Variants in CR1 observed in about 807,000 individuals in gnomAD.
CR1 encodes the protein complement receptor type 1.
CR1 carries 116 observed loss-of-function variants against 187.3 expected under a neutral mutation model. The ratio of observed to expected loss-of-function variants is 0.62; its 90% confidence interval spans 0.53 to 0.72. CR1 has a LOEUF of 0.72. CR1 is among the 30% of genes least tolerant of loss of function. The pLI is 0.00. For missense variants in CR1, 1,731 were observed against 2,110.7 expected (o/e 0.82, Z 3.52); for synonymous variants, 576 against 747.1 (o/e 0.77, Z 3.73).
At chr1:207,525,080 G>A (rs1016768585) in intron 5 of CR1, among the ~76,000 whole-genome samples, 4 of 152,004 alleles carry the variant, frequency 2.6e-5, no homozygotes, top group Admixed American at 6.5e-5. Context: ...GAGCAAGGCA[G>A]AGGTGCTACA....
In CR1 at chr1:207,617,507, A is replaced by ATATATATATATATGTGTG. The variant is rs1332301171; in HGVS notation, c.6890-563_6890-562insATATATATATATGTGTGT. ...AGTATATATATATATATATATATAT[A>ATATATATATATATGTGTG]TGTGTGTGTGTGTGTGTGTGTGTGT... On this transcript the variant is annotated intron_variant, in intron 41 of 46. Transcript: ENST00000367049. 1.6e-3 allele frequency among the ~76,000 whole-genome samples: 77 copies of ATATATATATATATGTGTG among 47,030 alleles called. 6 individuals carry two copies. Among genetic ancestry groups the ATATATATATATATGTGTG allele is most frequent in the Non-Finnish European group, 2.8e-3 (57 of 20,670 alleles). The allele number at this position is 47,030 out of a possible 152,430, so 30.9% of individuals were successfully genotyped here.
chr1:207,601,871 T>A (rs1408390039), intron 35 of CR1, among the ~76,000 whole-genome samples: 1 of 152,140 alleles, frequency 6.6e-6, no homozygotes, highest in Non-Finnish European at 1.5e-5. Flanking sequence ...GTTGTCTTTT[T>A]AATCTCTTGG....
In CR1 at chr1:207,630,612, A is replaced by G; in HGVS notation, c.7448A>G (p.Glu2483Gly). 1 of 1,597,862 alleles carries G rather than the reference A, an allele frequency of 6.3e-7. No homozygotes were observed. Residue 2483 changes from glutamate (E) to glycine (G), a missense_variant, in exon 46 of 47, where the codon GAA becomes GGA. This residue lies in a region of CR1 where 1,312 missense variants were observed against 1,379.6 expected (regional missense o/e 0.95). Coordinates refer to ENST00000367049, the MANE Select transcript of CR1 (RefSeq NM_000651.6). ...CCCCGAACTCTGCAAACAAATGAAG[A>G]AAATAGCAGGTACCTATATACATAC... The part of the protein sequence containing the change: ...VHPRTLQTNE[E>G]NSRVLP
At chr1:207,564,325 G>C (rs1660418693) in intron 23 of CR1, 91 bp downstream of exon 23, 7 of 1,537,202 alleles carry the variant, frequency 4.6e-6, no homozygotes, top group Non-Finnish European at 6.2e-6. Context: ...TTAAAAGAAA[G>C]ACACACACAC....
At chr1:207,505,661 C>A (rs1167769668) in intron 1 of CR1, among the ~76,000 whole-genome samples, 3 of 151,754 alleles carry the variant, frequency 2.0e-5, no homozygotes, top group Non-Finnish European at 4.4e-5. Context: ...ATGGTAAAAC[C>A]CCATCTCTAC....
intron 4 of CR1, among the ~76,000 whole-genome samples, chr1:207,512,794 A>G (rs959548986): frequency 6.6e-6 from 1 of 152,250 alleles, no homozygotes; most frequent in East Asian, 1.9e-4. Flanking sequence ...TATGAAAAAG[A>G]TTAGTAAAAT....
In CR1 at chr1:207,588,783, A is replaced by G. The variant is rs1661186322; in HGVS notation, c.5810+9A>G. The G allele has an allele frequency of 1.3e-6, 2 of 1,571,450 alleles. No homozygotes were observed. Among genetic ancestry groups the G allele is most frequent in the Admixed American group, 3.5e-5 (2 of 57,532 alleles). Reference sequence around the variant, plus strand: ...TATTCTTGTAATGAAGGGTGAGTTGAGAATACCATCTCTTGAATATGAGTT... The same window carrying G: ...TATTCTTGTAATGAAGGGTGAGTTGGGAATACCATCTCTTGAATATGAGTT... On this transcript the variant is annotated intron_variant, in intron 35 of 46. Transcript: ENST00000367049.
chr1:207,514,980 CATATAT>C (rs71570062), intron 4 of CR1, among the ~76,000 whole-genome samples: 9 of 129,332 alleles, frequency 7.0e-5, no homozygotes, highest in Admixed American at 4.9e-4. Flanking sequence ...TGAAGTATAA[CATATAT>C]ATATATATAC....
chr1:207,617,499 ATATATATATGTG>A (rs1464826737), intron 41 of CR1, among the ~76,000 whole-genome samples: 1 of 59,408 alleles, frequency 1.7e-5, no homozygotes, highest in Admixed American at 2.2e-4. Context: ...ATATATATAT[ATATATATATGTG>A]TGTGTGTGTG....
At chr1:207,597,869 G>T (rs1288053847) in intron 35 of CR1, among the ~76,000 whole-genome samples, 3 of 152,164 alleles carry the variant, frequency 2.0e-5, no homozygotes, top group Non-Finnish European at 4.4e-5. Context: ...CAGATGAATG[G>T]ATAAATGAAA....
chr1:207,632,797 C>CAAAAAAAAAA (rs55649027), intron 46 of CR1, among the ~76,000 whole-genome samples: 50 of 107,636 alleles, frequency 4.6e-4, no homozygotes, highest in Middle Eastern at 4.3e-3. Flanking sequence ...GACTCCGTCT[C>CAAAAAAAAAA]AAAAAAAAAA....
chr1:207,597,404 A>G (rs1661479780), intron 35 of CR1, among the ~76,000 whole-genome samples: 1 of 152,214 alleles, frequency 6.6e-6, no homozygotes, highest in African/African-American at 2.4e-5. Flanking sequence ...AGACCTGTGC[A>G]CTGAAAACTC....
chr1:207,577,261 C>CAAAA (rs780785123), intron 28 of CR1, among the ~76,000 whole-genome samples: 2 of 139,178 alleles, frequency 1.4e-5, no homozygotes, highest in African/African-American at 2.7e-5. Flanking sequence ...AACAAACAAA[C>CAAAA]AAACAAAAAA....
At chr1:207,613,170 G>A (rs1478824258) in intron 39 of CR1, among the ~76,000 whole-genome samples, 1 of 152,162 alleles carries the variant, frequency 6.6e-6, no homozygotes, top group Non-Finnish European at 1.5e-5. Context: ...AGGGTGAGGA[G>A]GGTGGAGAAG....
At chr1:207,579,875 C>T (rs1166792256) in intron 29 of CR1, among the ~76,000 whole-genome samples, 2 of 152,280 alleles carry the variant, frequency 1.3e-5, no homozygotes, top group East Asian at 3.9e-4. Context: ...TAGGGGCATG[C>T]CTGTCCCGAA....
At chr1:207,618,322 T>C (rs1662210555) in intron 42 of CR1, 75 bp downstream of exon 42, 1 of 1,346,532 alleles carries the variant, frequency 7.4e-7, no homozygotes, top group Non-Finnish European at 1.0e-6. Context: ...CTGAGAGACA[T>C]TGAAATGAGC....
intron 34 of CR1, among the ~76,000 whole-genome samples, chr1:207,588,097 G>A (rs539378881): frequency 3.3e-5 from 5 of 152,216 alleles, no homozygotes; most frequent in Non-Finnish European, 7.3e-5. Flanking sequence ...TTGGCTGGCG[G>A]AATGAGAGTA....
At position 207,619,934 on chromosome 1, in the gene CR1, T is replaced by C. The variant is rs1662265058; in HGVS notation, c.7121T>C (p.Met2374Thr). ...FMNGISKELEMKKVYHYGDYV... is the reference protein window; with the variant it reads ...FMNGISKELETKKVYHYGDYV... ...AATGGAATCTCGAAGGAGTTAGAAA[T>C]GAAAAAAGTATATCACTATGGAGAT... is the stretch of plus-strand genomic sequence containing the variant. Residue 2374 changes from methionine (M) to threonine (T), a missense_variant, in exon 43 of 47, where the codon ATG (methionine) becomes ACG (threonine). Physicochemically the swap from Met to Thr is moderately conservative, Grantham distance 81. Coordinates refer to ENST00000367049, the MANE Select transcript of CR1 (RefSeq NM_000651.6). The C allele has an allele frequency of 1.2e-6, 2 of 1,608,226 alleles. No individual in the cohort carries two copies. The highest frequency in any genetic ancestry group is 1.7e-6 in the Non-Finnish European group (2 of 1,177,094).
At chr1:207,583,674 T>C (rs1661025339) in intron 32 of CR1, among the ~76,000 whole-genome samples, 1 of 152,232 alleles carries the variant, frequency 6.6e-6, no homozygotes, top group African/African-American at 2.4e-5. Flanking sequence ...TTAAATCATT[T>C]CAATGTCTTG....
Sources: allele counts gnomAD v4.1 joint callset (sites outside exome capture counted in the v4.1 genomes callset), GRCh38; gene constraint gnomAD v4.1.1; regional missense constraint gnomAD v4.1.1; transcripts MANE v1.5; gene names NCBI Gene and HGNC (gene_info 2026-07-23, HGNC 2026-07-21).